The following EFCAB13 variants were observed in gnomAD, a reference collection of about 807,000 sequenced individuals.
EFCAB13 encodes EF-hand calcium-binding domain-containing protein 13.
Under a neutral mutation model 110.2 loss-of-function variants are expected in EFCAB13, and 91 were observed. The ratio of observed to expected loss-of-function variants is 0.83; its 90% CI spans 0.70 to 0.98. EFCAB13 has a LOEUF of 0.98. Among genes scored for constraint, EFCAB13 ranks in the 50% least tolerant of loss-of-function variants. EFCAB13 has a pLI of 0.00. For missense variants in EFCAB13, 968 were observed against 1,119.4 expected (o/e 0.86, Z 1.93); for synonymous variants, 323 against 369.9 (o/e 0.87, Z 1.45).
At chr17:47,361,563 G>C in intron 10 of EFCAB13, 42 bp downstream of exon 10, 1 of 1,491,452 alleles carries the variant, frequency 6.7e-7, no homozygotes, top group Non-Finnish European at 9.2e-7. Flanking sequence ...ATATATATGT[G>C]CATATATTTA....
intron 11 of EFCAB13, 40 bp downstream of exon 11, chr17:47,370,548 A>C (rs375029094): frequency 1.5e-6 from 2 of 1,354,626 alleles, no homozygotes; most frequent in Non-Finnish European, 2.1e-6. Flanking sequence ...TTTGTTTATA[A>C]TTAAAGTCTT....
chr17:47,412,230 G>A (rs1387807067), intron 21 of EFCAB13, among the ~76,000 whole-genome samples: 1 of 152,284 alleles, frequency 6.6e-6, no homozygotes, highest in African/African-American at 2.4e-5. Flanking sequence ...AAAGGTGCCT[G>A]TTGAGAGAGC....
In EFCAB13 at chr17:47,347,796, A is replaced by G. The variant is rs377511631; in HGVS notation, c.518-12A>G. On this transcript the variant is annotated splice_polypyrimidine_tract_variant and intron_variant, in intron 8 of 24. Coordinates refer to ENST00000331493, the MANE Select transcript of EFCAB13 (RefSeq NM_152347.5). ...TGATTAACTAACTAAATGTTTTGTT[A>G]TGTGTGTGCAGCACTTCATAAAGCC... 2 of 1,412,734 alleles carry G rather than the reference A, an allele frequency of 1.4e-6. No homozygotes were observed. The highest frequency in any genetic ancestry group is 1.9e-6 in the Non-Finnish European group (2 of 1,067,146). The allele number at this position is 1,412,734 out of a possible 1,614,324, so 87.5% of individuals were successfully genotyped here.
In EFCAB13 at chr17:47,438,171, C is replaced by G. The variant is rs373849963; in HGVS notation, c.2639-2260C>G. ...ATCTGCTGTTAATCAGATAGGTTTTCGTTTACAGGTTACCTGGTGCTTCTG... is the reference window on the plus strand; with the variant it reads ...ATCTGCTGTTAATCAGATAGGTTTTGGTTTACAGGTTACCTGGTGCTTCTG... On this transcript the variant is annotated intron_variant, in intron 24 of 24. Coordinates refer to ENST00000331493, the MANE Select transcript of EFCAB13 (RefSeq NM_152347.5). Among the ~76,000 whole-genome samples, 3 of 152,162 alleles carry G rather than the reference C, an allele frequency of 2.0e-5. No homozygotes were observed. In the East Asian group the frequency reaches 5.8e-4, roughly 29 times the overall value.
Position 47,331,364 on chromosome 17 carries a change from A to G in EFCAB13, c.30+2981A>G, listed in dbSNP as rs185975023. ...CTTTGCCTAAGCCAGTGTCCAGAAGAGTTTTTCCTAGGTAGTCTTCTAGAA... is the reference window on the plus strand; with the variant it reads ...CTTTGCCTAAGCCAGTGTCCAGAAGGGTTTTTCCTAGGTAGTCTTCTAGAA... On this transcript the variant is annotated intron_variant, in intron 4 of 24. Transcript: ENST00000331493. 9.7e-4 allele frequency among the ~76,000 whole-genome samples: 147 copies of G among 152,042 alleles called. 1 individual carries two copies. The Middle Eastern group carries it at 0.017, about 18-fold the overall frequency.
chr17:47,412,948 AT>A (rs746960384), intron 22 of EFCAB13, 32 bp downstream of exon 22: 37 of 1,589,468 alleles, frequency 2.3e-5, no homozygotes, highest in Non-Finnish European at 2.6e-5. Context: ...GATTCTTTTC[AT>A]TTTTTTTCTA....
chr17:47,410,571 A>G (rs1039153572), intron 21 of EFCAB13, among the ~76,000 whole-genome samples: 5 of 152,180 alleles, frequency 3.3e-5, no homozygotes, highest in African/African-American at 1.2e-4. Flanking sequence ...TCCAAATTCC[A>G]GAGTCTCATC....
Position 47,344,064 on chromosome 17 carries a change from G to T in EFCAB13, c.304-98G>T, listed in dbSNP as rs188846717. 6.0e-6 allele frequency: 8 copies of T among 1,334,400 alleles called. No homozygotes were observed. In the East Asian group the frequency reaches 2.0e-4, roughly 34 times the overall value. 82.7% of individuals were successfully genotyped at this position (1,334,400 alleles called of 1,614,324 possible). On this transcript the variant is annotated intron_variant, in intron 6 of 24. Transcript: ENST00000331493. ...AGAAGCATAATTAATGAGGAGCCAAGGTATGATTAATTATCTTTTAAGAGT... is the reference window on the plus strand; with the variant it reads ...AGAAGCATAATTAATGAGGAGCCAATGTATGATTAATTATCTTTTAAGAGT...
At chr17:47,350,585 TTGTG>T (rs1006786816) in intron 9 of EFCAB13, among the ~76,000 whole-genome samples, 1 of 150,590 alleles carries the variant, frequency 6.6e-6, no homozygotes, top group Non-Finnish European at 1.5e-5. Flanking sequence ...ACGCCTTTGT[TTGTG>T]TGTGTGTGTG....
intron 21 of EFCAB13, among the ~76,000 whole-genome samples, chr17:47,410,060 A>C (rs1335428392): frequency 6.6e-6 from 1 of 151,788 alleles, no homozygotes; most frequent in South Asian, 2.1e-4. Context: ...CTCTTTGCCT[A>C]CTGTTGTAGT....
chr17:47,345,551 C>G (rs1275324332), intron 8 of EFCAB13, among the ~76,000 whole-genome samples: 2 of 152,082 alleles, frequency 1.3e-5, no homozygotes, highest in Admixed American at 6.6e-5. Flanking sequence ...TACCTTAACT[C>G]TGGTTGTCAT....
intron 22 of EFCAB13, among the ~76,000 whole-genome samples, chr17:47,414,237 G>A (rs1456043527): frequency 3.4e-5 from 3 of 87,100 alleles, no homozygotes; most frequent in African/African-American, 1.6e-4. Flanking sequence ...TTGTGACTGT[G>A]TATGTGTGTG....
intron 14 of EFCAB13, among the ~76,000 whole-genome samples, chr17:47,380,284 T>C (rs920151909): frequency 1.3e-5 from 2 of 151,784 alleles, no homozygotes; most frequent in African/African-American, 4.8e-5. Context: ...CCTGTGTCCA[T>C]GTGTTCTCAT....
chr17:47,341,695 T>G (rs7221224), intron 5 of EFCAB13, among the ~76,000 whole-genome samples: 47,154 of 152,016 alleles, frequency 0.31, 8,674 homozygotes, highest in Admixed American at 0.4. Flanking sequence ...TGTAGAGATT[T>G]CTATTAAAAT....
Position 47,395,978 on chromosome 17 carries a change from G to C in EFCAB13, c.1945+1G>C. On this transcript the variant is annotated splice_donor_variant, in intron 17 of 24. Coordinates refer to ENST00000331493, the MANE Select transcript of EFCAB13 (RefSeq NM_152347.5). LOFTEE classifies it high-confidence loss of function. ...GCATTGGAACTAGTGACAGTTGATGGTGAGTGTTACAAATACTAAAATTAA... is the reference window on the plus strand; with the variant it reads ...GCATTGGAACTAGTGACAGTTGATGCTGAGTGTTACAAATACTAAAATTAA... 1 of 1,589,940 alleles carries C rather than the reference G, an allele frequency of 6.3e-7. No homozygotes were observed. The highest frequency in any genetic ancestry group is 8.5e-7 in the Non-Finnish European group (1 of 1,170,898).
rs2065843010 is a variant in EFCAB13 at position 47,412,831 on chromosome 17, T to G, written c.2337T>G (p.Pro779=). 6.2e-7 allele frequency: 1 copy of G among 1,613,860 alleles called. No homozygotes were observed. The highest frequency in any genetic ancestry group is 1.7e-5 in the Admixed American group (1 of 60,000). The change falls in exon 22 of 25, where the codon CCT becomes CCG. Residue 779 remains proline, a synonymous_variant. Coordinates refer to ENST00000331493, the MANE Select transcript of EFCAB13 (RefSeq NM_152347.5). ...TCGATAATGGCAAGATTGGTATACC[T>G]GATTTGGAGCATGCCTTGAAATGTT... ...SHVDNGKIGI[P]DLEHALKCLN...
chr17:47,414,855 G>A lies in EFCAB13; in HGVS notation c.2430G>A (p.Met810Ile). The change falls in exon 23 of 25, where the codon ATG becomes ATA. Residue 810 changes from methionine (M) to isoleucine (I), a missense_variant. Met to Ile is a conservative substitution (Grantham distance 10). Transcript: ENST00000331493. ...ALNCCNVSDN[M>I]EVDLKDFLMK... The stretch of plus-strand genomic sequence containing the variant: ...TTTACTTTGACCTTCCAGATAATAT[G>A]GAGGTGGATTTAAAAGATTTCTTAA... The A allele has an allele frequency of 6.2e-7, 1 of 1,602,592 alleles. No individual in the cohort carries two copies. Among genetic ancestry groups the A allele is most frequent in the Non-Finnish European group, 8.5e-7 (1 of 1,172,124 alleles).
At chr17:47,398,220 C>T (rs1346652723) in intron 17 of EFCAB13, among the ~76,000 whole-genome samples, 1 of 145,026 alleles carries the variant, frequency 6.9e-6, no homozygotes, top group African/African-American at 2.5e-5. Context: ...GGCCAGCCGC[C>T]CCGTCCGGGA....
At chr17:47,406,502 C>T (rs533338722) in intron 20 of EFCAB13, among the ~76,000 whole-genome samples, 4 of 152,192 alleles carry the variant, frequency 2.6e-5, no homozygotes, top group South Asian at 2.1e-4. Flanking sequence ...CTGTAATAGA[C>T]GGTTTGATAG....
Sources: gnomAD v4.1 joint callset for allele counts (sites outside exome capture counted in the v4.1 genomes callset) on GRCh38, gnomAD v4.1.1 for gene constraint, MANE v1.5 for transcripts, NCBI Gene and HGNC (gene_info 2026-07-23, HGNC 2026-07-21) for gene names.